LRP1B: variants seen among roughly 807,000 people sequenced by gnomAD.
The protein encoded by LRP1B is LDL receptor related protein 1B.
LRP1B carries 217 observed loss-of-function variants against 556.6 expected under a neutral mutation model. The observed-to-expected ratio is 0.39, with a 90% CI of 0.35 to 0.44. LRP1B has a LOEUF of 0.44. LRP1B is among the 20% of genes least tolerant of loss of function. The probability of loss-of-function intolerance (pLI) is 1.00; values close to 1 mark genes in which losing one functional copy is unlikely to be tolerated. For missense variants in LRP1B, 5,053 were observed against 5,620.8 expected (o/e 0.90, Z 3.23); for synonymous variants, 2,047 against 1,865.8 (o/e 1.10, Z -2.50).
At chr2:141,535,304 C>A (rs1374947881) in intron 2 of LRP1B, among the ~76,000 whole-genome samples, 1 of 152,112 alleles carries the variant, frequency 6.6e-6, no homozygotes, top group South Asian at 2.1e-4. Context: ...TCCCTTTCAA[C>A]TTTTTATGCA....
intron 1 of LRP1B, among the ~76,000 whole-genome samples, chr2:142,005,070 T>C (rs1412434374): frequency 6.7e-6 from 1 of 148,384 alleles, no homozygotes; most frequent in African/African-American, 2.4e-5. Flanking sequence ...ATATATACTC[T>C]ATATATTTAG....
At chr2:141,127,148 T>C (rs933920426) in intron 7 of LRP1B, among the ~76,000 whole-genome samples, 1 of 152,104 alleles carries the variant, frequency 6.6e-6, no homozygotes, top group Admixed American at 6.6e-5. Flanking sequence ...CTGAGAATGA[T>C]GGCCAGTCAT....
At chr2:142,102,363 T>C (rs1706598193) in intron 1 of LRP1B, among the ~76,000 whole-genome samples, 1 of 151,712 alleles carries the variant, frequency 6.6e-6, no homozygotes, top group Non-Finnish European at 1.5e-5. Context: ...AGTACTTCTT[T>C]GTATTAAACT....
At chr2:140,276,806 A>T (rs1365418360) in intron 84 of LRP1B, among the ~76,000 whole-genome samples, 1 of 151,916 alleles carries the variant, frequency 6.6e-6, no homozygotes, top group Admixed American at 6.6e-5. Context: ...TTAATTATAG[A>T]ATCATATAGG....
At chr2:141,583,766 A>G (rs1034201549) in intron 2 of LRP1B, among the ~76,000 whole-genome samples, 6 of 152,052 alleles carry the variant, frequency 3.9e-5, no homozygotes, top group Non-Finnish European at 8.8e-5. Context: ...TTTGAGACTT[A>G]GTCTTGCTCC....
Position 140,233,090 on chromosome 2 carries a change from T to A in LRP1B, c.*96A>T. On this transcript the variant is annotated 3_prime_UTR_variant, in exon 91 of 91. Coordinates refer to ENST00000389484, the MANE Select transcript of LRP1B (RefSeq NM_018557.3). ...ACCAGGAAAAAGATAAAGAAAGAGG[T>A]AATGCTGATGCCAAAACAAGTATAA... The A allele has an allele frequency of 2.7e-6, 2 of 735,444 alleles. No individual in the cohort carries two copies. The highest frequency in any genetic ancestry group is 3.5e-5 in the South Asian group (1 of 28,224). The allele number at this position is 735,444 out of a possible 1,614,324, so 45.6% of individuals were successfully genotyped here.
chr2:140,877,903 A>C (rs1312412357), intron 25 of LRP1B, among the ~76,000 whole-genome samples: 1 of 152,068 alleles, frequency 6.6e-6, no homozygotes, highest in South Asian at 2.1e-4. Flanking sequence ...GGCCAAATAA[A>C]CTTTCTAGAT....
At chr2:141,002,176 A>G (rs986883618) in intron 15 of LRP1B, among the ~76,000 whole-genome samples, 58 of 152,098 alleles carry the variant, frequency 3.8e-4, no homozygotes, top group African/African-American at 1.3e-3. Context: ...TCTGAGAACT[A>G]TCTTCCACAG....
At chr2:140,766,291 TTC>T (rs34263614) in intron 35 of LRP1B, among the ~76,000 whole-genome samples, 2 of 151,650 alleles carry the variant, frequency 1.3e-5, no homozygotes, top group Admixed American at 6.6e-5. Flanking sequence ...AGGTTTTCCT[TTC>T]TCTCTCTCTC....
intron 41 of LRP1B, among the ~76,000 whole-genome samples, chr2:140,605,267 G>T (rs1051780043): frequency 1.3e-5 from 2 of 152,054 alleles, no homozygotes; most frequent in African/African-American, 4.8e-5. Context: ...ACACACAGAA[G>T]CACTCTCAAT....
intron 43 of LRP1B, among the ~76,000 whole-genome samples, chr2:140,594,743 C>A (rs542223963): frequency 1.3e-5 from 2 of 152,076 alleles, no homozygotes; most frequent in African/African-American, 4.8e-5. Flanking sequence ...ACTTGCTTTA[C>A]CCAAAGTTAG....
chr2:140,748,977 A>G (rs1688476367), intron 35 of LRP1B, among the ~76,000 whole-genome samples: 1 of 151,194 alleles, frequency 6.6e-6, no homozygotes, highest in South Asian at 2.1e-4. Context: ...ATAAACTACT[A>G]CACGCTTAGG....
chr2:141,087,041 C>T (rs564841486), intron 7 of LRP1B, among the ~76,000 whole-genome samples: 1 of 152,182 alleles, frequency 6.6e-6, no homozygotes, highest in South Asian at 2.1e-4. Flanking sequence ...TAAATATAGG[C>T]CTGTGGCGGC....
chr2:141,725,828 T>C (rs1032129938), intron 2 of LRP1B, among the ~76,000 whole-genome samples: 1 of 148,194 alleles, frequency 6.7e-6, no homozygotes, highest in African/African-American at 2.5e-5. Flanking sequence ...TTTTTAGATA[T>C]TTGGCATTGA....
intron 1 of LRP1B, among the ~76,000 whole-genome samples, chr2:142,119,139 G>A (rs1274219597): frequency 6.6e-6 from 1 of 152,088 alleles, no homozygotes; most frequent in Admixed American, 6.6e-5. Context: ...AAATGCCTGA[G>A]CTTTGAATCT....
At chr2:140,271,843 C>A (rs1256289244) in intron 85 of LRP1B, among the ~76,000 whole-genome samples, 1 of 151,916 alleles carries the variant, frequency 6.6e-6, no homozygotes, top group South Asian at 2.1e-4. Flanking sequence ...CTAAGTGCAT[C>A]TGAGGGACTT....
intron 2 of LRP1B, among the ~76,000 whole-genome samples, chr2:141,758,659 A>G (rs1423961608): frequency 6.6e-6 from 1 of 152,118 alleles, no homozygotes; most frequent in East Asian, 1.9e-4. Flanking sequence ...TACTAGGCAC[A>G]GGATATATAA....
chr2:141,442,792 G>A (rs1202270018), intron 3 of LRP1B, among the ~76,000 whole-genome samples: 1 of 152,124 alleles, frequency 6.6e-6, no homozygotes, highest in East Asian at 1.9e-4. Context: ...GTATTCCATG[G>A]TGTATATGTG....
intron 4 of LRP1B, among the ~76,000 whole-genome samples, chr2:141,249,653 C>T (rs546986289): frequency 2.4e-4 from 37 of 151,786 alleles, no homozygotes; most frequent in African/African-American, 6.5e-4. Flanking sequence ...GTCCTACAGT[C>T]GCCTGTGAAG....
Sources: allele counts gnomAD v4.1 joint callset (sites outside exome capture counted in the v4.1 genomes callset), GRCh38; gene constraint gnomAD v4.1.1; transcripts MANE v1.5; gene names NCBI Gene and HGNC (gene_info 2026-07-23, HGNC 2026-07-21).